The following DPAGT1 variants were observed in gnomAD, a reference collection of about 807,000 sequenced individuals.
DPAGT1 encodes the protein UDP-N-acetylglucosamine--dolichyl-phosphate N-acetylglucosaminephosphotransferase.
DPAGT1 carries 25 observed loss-of-function variants against 39.3 expected under a neutral mutation model. The ratio of observed to expected loss-of-function variants is 0.64; its 90% confidence interval spans 0.46 to 0.89. DPAGT1 has a LOEUF of 0.89. Among genes scored for constraint, DPAGT1 ranks in the 40% least tolerant of loss-of-function variants. DPAGT1 has a pLI of 0.00. For missense variants in DPAGT1, 381 were observed against 500.6 expected (o/e 0.76, Z 2.28); for synonymous variants, 193 against 201.4 (o/e 0.96, Z 0.36).
At chr11:119,095,425 G>A (rs546244044), downstream of DPAGT1, 87 of 1,483,550 alleles carry the variant, frequency 5.9e-5, no homozygotes, top group Non-Finnish European at 7.6e-5. Flanking sequence ...AAGCACGACG[G>A]CTCAAACACT....
At position 119,097,348 on chromosome 11, in the gene DPAGT1, A is replaced by T; in HGVS notation, c.1006-51T>A. Reference sequence around the variant, plus strand: ...CCTCAGCTAATACCTATGCTTTAGGAATGTGGATCTATTTAATGCTTTCAA... The same window carrying T: ...CCTCAGCTAATACCTATGCTTTAGGTATGTGGATCTATTTAATGCTTTCAA... On this transcript the variant is annotated intron_variant, in intron 7 of 8. Coordinates refer to ENST00000354202, the MANE Select transcript of DPAGT1 (RefSeq NM_001382.4). This position sits in a 1 kb window ranked among gnomAD's most constrained non-coding sequence, Gnocchi z 4.6. The T allele has an allele frequency of 6.2e-7, 1 of 1,613,518 alleles. No individual in the cohort carries two copies. Among genetic ancestry groups the T allele is most frequent in the Non-Finnish European group, 8.5e-7 (1 of 1,179,508 alleles).
Position 119,096,715 on chromosome 11 carries a change from A to G in DPAGT1, c.*283T>C. ...TGTGAGTGTGGATAACTGCAAAAAA[A>G]GCTGCTGTATCCCACCCTATGAGGC... On this transcript the variant is annotated 3_prime_UTR_variant, in exon 9 of 9. Transcript: ENST00000354202. 1.9e-6 allele frequency: 1 copy of G among 516,992 alleles called. No individual in the cohort carries two copies. Among genetic ancestry groups the G allele is most frequent in the Non-Finnish European group, 3.5e-6 (1 of 285,900 alleles). 32.0% of individuals were successfully genotyped at this position (516,992 alleles called of 1,614,324 possible).
chr11:119,094,136 CCA>C (rs1215702304), downstream of DPAGT1: 3 of 152,720 alleles, frequency 2.0e-5, no homozygotes, highest in Admixed American at 2.0e-4. Flanking sequence ...CTCTTGCTGT[CCA>C]CATAGCCAGC....
downstream of DPAGT1, chr11:119,094,840 C>T: frequency 9.3e-7 from 1 of 1,073,262 alleles, no homozygotes; most frequent in Non-Finnish European, 1.3e-6. Flanking sequence ...GGAAGGGAGC[C>T]GCGGCCCGCT....
chr11:119,096,487 A>C (rs1175008850), downstream of DPAGT1: 2 of 182,876 alleles, frequency 1.1e-5, no homozygotes, highest in Non-Finnish European at 2.3e-5. Context: ...ATGCCCATAT[A>C]GGAAATATAC....
In DPAGT1 at chr11:119,101,602, C is replaced by A. The variant is rs965806085; in HGVS notation, c.54G>T (p.Ser18=). The part of the protein sequence containing the change: ...PMPLLINLIV[S]LLGFVATVTL... ...TGACTGTGGCCACAAATCCCAGCAG[C>A]GAGACGATCAAATTGATCAGCAGCG... The change falls in exon 1 of 9, where the codon TCG becomes TCT. Residue 18 remains serine, a synonymous_variant. Coordinates refer to ENST00000354202, the MANE Select transcript of DPAGT1 (RefSeq NM_001382.4). The A allele has an allele frequency of 6.2e-7, 1 of 1,614,244 alleles. No homozygotes were observed. The highest frequency in any genetic ancestry group is 8.5e-7 in the Non-Finnish European group (1 of 1,180,032).
chr11:119,096,137 T>C (rs1467622925), downstream of DPAGT1, among the ~76,000 whole-genome samples: 3 of 152,154 alleles, frequency 2.0e-5, no homozygotes, highest in Admixed American at 1.3e-4. Flanking sequence ...CTAATTATTT[T>C]ATTTTTGTAG....
At position 119,096,863 on chromosome 11, in the gene DPAGT1, T is replaced by A. The variant is rs984029661; in HGVS notation, c.*135A>T. 57 of 1,057,854 alleles carry A rather than the reference T, an allele frequency of 5.4e-5. No homozygotes were observed. Among genetic ancestry groups the A allele is most frequent in the Non-Finnish European group, 8.0e-5 (56 of 702,442 alleles). 65.5% of individuals were successfully genotyped at this position (1,057,854 alleles called of 1,614,324 possible). On this transcript the variant is annotated 3_prime_UTR_variant, in exon 9 of 9. Transcript: ENST00000354202. ...GCCAATGATCACAGAGAAAGGAAAATGCTGAGAACAAAATCTGGAGGAGTA... is the reference window on the plus strand; with the variant it reads ...GCCAATGATCACAGAGAAAGGAAAAAGCTGAGAACAAAATCTGGAGGAGTA...
At chr11:119,095,851 T>G (rs1314627114), downstream of DPAGT1, among the ~76,000 whole-genome samples, 1 of 152,170 alleles carries the variant, frequency 6.6e-6, no homozygotes, top group Non-Finnish European at 1.5e-5. Context: ...ATATTATAGC[T>G]ACTGCAGCCC....
chr11:119,094,156 C>G (rs1008153715), downstream of DPAGT1: 1 of 152,720 alleles, frequency 6.5e-6, no homozygotes, highest in Non-Finnish European at 1.5e-5. Context: ...AGCCGTGAAG[C>G]CAAACTGCAG....
chr11:119,097,790 A>G lies in DPAGT1; in HGVS notation c.917+65T>C. 1 of 1,601,092 alleles carries G rather than the reference A, an allele frequency of 6.2e-7. No homozygotes were observed. The highest frequency in any genetic ancestry group is 8.6e-7 in the Non-Finnish European group (1 of 1,168,942). On this transcript the variant is annotated intron_variant, in intron 6 of 8. Transcript: ENST00000354202. This position sits in a 1 kb window ranked among gnomAD's most constrained non-coding sequence, Gnocchi z 4.6. ...CACTCCCTTTGCACAGCAAATGTATAGGCTGGCATTAGATATCCCAAGTGA... is the reference window on the plus strand; with the variant it reads ...CACTCCCTTTGCACAGCAAATGTATGGGCTGGCATTAGATATCCCAAGTGA...
chr11:119,097,794 T>C lies in DPAGT1; in HGVS notation c.917+61A>G. On this transcript the variant is annotated intron_variant, in intron 6 of 8. Coordinates refer to ENST00000354202, the MANE Select transcript of DPAGT1 (RefSeq NM_001382.4). The surrounding 1 kb of genome is among the most constrained non-coding windows in gnomAD (Gnocchi z 4.6). Reference sequence around the variant, plus strand: ...CCCTTTGCACAGCAAATGTATAGGCTGGCATTAGATATCCCAAGTGAAAAG... The same window carrying C: ...CCCTTTGCACAGCAAATGTATAGGCCGGCATTAGATATCCCAAGTGAAAAG... The C allele has an allele frequency of 1.2e-6, 2 of 1,605,522 alleles. No individual in the cohort carries two copies. Among genetic ancestry groups the C allele is most frequent in the Non-Finnish European group, 1.7e-6 (2 of 1,172,878 alleles).
At chr11:119,096,171 C>T (rs925019289), downstream of DPAGT1, among the ~76,000 whole-genome samples, 1 of 152,084 alleles carries the variant, frequency 6.6e-6, no homozygotes, top group Admixed American at 6.6e-5. Flanking sequence ...TTTTGTTGCC[C>T]AGGCTGTCTT....
chr11:119,095,512 C>T (rs931678259), downstream of DPAGT1: 8 of 1,098,054 alleles, frequency 7.3e-6, no homozygotes, highest in African/African-American at 9.7e-5. Context: ...CCAGGACACA[C>T]CTCTGCGCCC....
At chr11:119,100,506 G>C in intron 3 of DPAGT1, 98 bp from the exon 4 acceptor site, 1 of 1,600,360 alleles carries the variant, frequency 6.2e-7, no homozygotes, top group African/African-American at 1.3e-5. Flanking sequence ...TAGGATGAAG[G>C]GCTACCAGAA....
intron 3 of DPAGT1, 96 bp from the exon 4 acceptor site, chr11:119,100,504 A>G: frequency 6.2e-7 from 1 of 1,601,066 alleles, no homozygotes; most frequent in Non-Finnish European, 8.6e-7. Context: ...GATAGGATGA[A>G]GGGCTACCAG....
chr11:119,095,498 G>GC (rs1946378363), downstream of DPAGT1: 4 of 1,266,238 alleles, frequency 3.2e-6, no homozygotes, highest in Non-Finnish European at 3.2e-6. Flanking sequence ...GCCTTTATAA[G>GC]CCCCCAGGAC....
At chr11:119,099,862 C>T (rs1478555317) in intron 4 of DPAGT1, among the ~76,000 whole-genome samples, 5 of 151,330 alleles carry the variant, frequency 3.3e-5, no homozygotes, top group East Asian at 1.9e-4. Context: ...TCATGTTAGC[C>T]GAGAGAGGGG....
In DPAGT1 at chr11:119,096,845, A is replaced by G. The variant is rs1213582644; in HGVS notation, c.*153T>C. 3.2e-6 allele frequency: 3 copies of G among 928,910 alleles called. No individual in the cohort carries two copies. The allele number at this position is 928,910 out of a possible 1,614,324, so 57.5% of individuals were successfully genotyped here. A position where few individuals can be genotyped will look rare whatever the true frequency, so the allele number is the denominator to read the frequency against. ...GCAAGAAACGCCCAGGATGCCAATG[A>G]TCACAGAGAAAGGAAAATGCTGAGA... On this transcript the variant is annotated 3_prime_UTR_variant, in exon 9 of 9. Coordinates refer to ENST00000354202, the MANE Select transcript of DPAGT1 (RefSeq NM_001382.4).
Sources: allele counts gnomAD v4.1 joint callset (sites outside exome capture counted in the v4.1 genomes callset), GRCh38; gene constraint gnomAD v4.1.1; non-coding constraint Gnocchi (gnomAD v3.1); transcripts MANE v1.5; gene names NCBI Gene and HGNC (gene_info 2026-07-23, HGNC 2026-07-21).